Variants in CFAP54 observed in about 807,000 individuals in gnomAD.
The protein encoded by CFAP54 is cilia and flagella associated protein 54, also known as cilia- and flagella-associated protein 54.
In CFAP54, 290 loss-of-function variants were observed where a neutral mutation model predicts 370.4. The observed-to-expected ratio is 0.78, with a 90% confidence interval of 0.71 to 0.86. The LOEUF (loss-of-function observed/expected upper bound fraction) is 0.86, where lower values mean the gene tolerates loss of function less well. Among genes scored for constraint, CFAP54 ranks in the 40% least tolerant of loss-of-function variants. The pLI is 0.00. For synonymous variants in CFAP54, 1,206 were observed against 1,236.5 expected, an observed-to-expected ratio of 0.98 and a Z score of 0.52; for missense variants, 3,399 against 3,528.7, an observed-to-expected ratio of 0.96 and a Z score of 0.93.
chr12:96,582,439 TATA>T (rs1423903725), intron 22 of CFAP54, among the ~76,000 whole-genome samples: 1 of 152,190 alleles, frequency 6.6e-6, no homozygotes, highest in Non-Finnish European at 1.5e-5. Context: ...TGATTAGTAA[TATA>T]AGATAAGATC....
intron 50 of CFAP54, among the ~76,000 whole-genome samples, chr12:96,730,354 G>A (rs982943177): frequency 2.0e-5 from 3 of 152,138 alleles, no homozygotes; most frequent in Admixed American, 1.3e-4. Context: ...AGATAGCACC[G>A]AGTCAAATAT....
intron 42 of CFAP54, 89 bp from the exon 43 acceptor site, chr12:96,688,827 G>T: frequency 3.3e-6 from 2 of 610,346 alleles, no homozygotes; most frequent in Non-Finnish European, 5.6e-6. Flanking sequence ...TATACTTTTT[G>T]TGTTCTAGAT....
chr12:96,753,331 G>C (rs965805448), intron 55 of CFAP54, among the ~76,000 whole-genome samples: 1 of 152,214 alleles, frequency 6.6e-6, no homozygotes, highest in Non-Finnish European at 1.5e-5. Flanking sequence ...CCACTATAAT[G>C]CTTAATAGAA....
intron 60 of CFAP54, among the ~76,000 whole-genome samples, chr12:96,782,351 G>A (rs944592359): frequency 6.6e-6 from 1 of 151,930 alleles, no homozygotes; most frequent in Non-Finnish European, 1.5e-5. Context: ...GAAATAAGAA[G>A]TACAAAGAAT....
At chr12:96,594,260 A>T (rs1956153354) in intron 24 of CFAP54, 31 bp from the exon 25 acceptor site, 1 of 1,476,902 alleles carries the variant, frequency 6.8e-7, no homozygotes, top group Non-Finnish European at 9.0e-7. Context: ...ACCTATGTTC[A>T]ATCTGAGTAA....
chr12:96,718,591 C>T, intron 49 of CFAP54, 69 bp downstream of exon 49: 1 of 908,830 alleles, frequency 1.1e-6, no homozygotes, highest in Non-Finnish European at 1.7e-6. Flanking sequence ...CCTGGATGGG[C>T]CTGCTTTCAG....
chr12:96,644,656 T>C (rs1184514902), intron 33 of CFAP54, among the ~76,000 whole-genome samples: 1 of 152,154 alleles, frequency 6.6e-6, no homozygotes, highest in Admixed American at 6.5e-5. Flanking sequence ...GTAATCATGG[T>C]AGAAGGGGAA....
chr12:96,693,404 G>A (rs1042857451), intron 44 of CFAP54, among the ~76,000 whole-genome samples: 1 of 152,124 alleles, frequency 6.6e-6, no homozygotes, highest in Non-Finnish European at 1.5e-5. Context: ...TATTTATGTT[G>A]AGTTAATCAT....
chr12:96,723,949 A>G (rs913936723), intron 50 of CFAP54, among the ~76,000 whole-genome samples: 5 of 150,758 alleles, frequency 3.3e-5, no homozygotes, highest in Non-Finnish European at 7.4e-5. Context: ...TGTCCTTGCA[A>G]TAGTTTACTG....
At chr12:96,756,163 G>T (rs924294459) in intron 56 of CFAP54, among the ~76,000 whole-genome samples, 2 of 152,174 alleles carry the variant, frequency 1.3e-5, no homozygotes, top group Non-Finnish European at 2.9e-5. Context: ...GGAGGGAGAA[G>T]CACAAAGTAA....
At chr12:96,563,501 T>C (rs1403960667) in intron 17 of CFAP54, among the ~76,000 whole-genome samples, 1 of 152,340 alleles carries the variant, frequency 6.6e-6, no homozygotes, top group South Asian at 2.1e-4. Context: ...TCTCCAACGA[T>C]TATAATCAGG....
Position 96,658,245 on chromosome 12 carries a change from G to A in CFAP54, c.5359G>A (p.Val1787Met). ...RYTEQVTPLL[V>M]YAQRQLLLRI... ...TACAGAACAAGTGACACCACTTCTG[G>A]TGTATGCACAGCGCCAGCTTCTGCT... The change falls in exon 38 of 68, where the codon GTG becomes ATG. Residue 1787 changes from valine (V) to methionine (M), a missense_variant. Val to Met is a conservative substitution (Grantham distance 21, BLOSUM62 1). Around this residue, in one of 3 missense-constraint regions of CFAP54, gnomAD observed 2,796 missense variants for 2,869.7 expected, o/e 0.97. Transcript: ENST00000524981. The A allele has an allele frequency of 6.2e-7, 1 of 1,614,028 alleles. No individual in the cohort carries two copies. Among genetic ancestry groups the A allele is most frequent in the Non-Finnish European group, 8.5e-7 (1 of 1,179,960 alleles).
intron 63 of CFAP54, 136 bp downstream of exon 63, chr12:96,792,635 A>G (rs1958714833): frequency 3.6e-6 from 2 of 556,500 alleles, no homozygotes; most frequent in Non-Finnish European, 2.8e-6. Flanking sequence ...TACATTGTCT[A>G]GTAGAATAAA....
At chr12:96,499,203 C>A (rs753235248) in intron 1 of CFAP54, among the ~76,000 whole-genome samples, 1 of 152,074 alleles carries the variant, frequency 6.6e-6, no homozygotes, top group Non-Finnish European at 1.5e-5. Context: ...GTCTCAAACT[C>A]CTGACCTCAA....
chr12:96,730,796 A>G (rs1957911877), intron 50 of CFAP54, among the ~76,000 whole-genome samples: 1 of 152,222 alleles, frequency 6.6e-6, no homozygotes, highest in African/African-American at 2.4e-5. Context: ...CTTTGATTGG[A>G]AACATATAAT....
chr12:96,814,653 G>T (rs1368336601), intron 64 of CFAP54, among the ~76,000 whole-genome samples: 1 of 152,146 alleles, frequency 6.6e-6, no homozygotes, highest in African/African-American at 2.4e-5. Context: ...CTGACACCTA[G>T]GTTTTAAGCC....
At chr12:96,813,716 C>G (rs944493168) in intron 64 of CFAP54, among the ~76,000 whole-genome samples, 1 of 152,306 alleles carries the variant, frequency 6.6e-6, no homozygotes, top group African/African-American at 2.4e-5. Context: ...TTTCTACTTA[C>G]AACTGGGTCC....
At chr12:96,647,844 G>GT in intron 33 of CFAP54, 31 bp from the exon 34 acceptor site, 2 of 1,474,046 alleles carry the variant, frequency 1.4e-6, no homozygotes, top group South Asian at 2.7e-5. Flanking sequence ...TGCTTATATT[G>GT]TTTTTTAATA....
rs182053903 is a variant in CFAP54, at chr12:96,627,767, A to C, written c.4103+828A>C. On this transcript the variant is annotated intron_variant, in intron 30 of 67. Coordinates refer to ENST00000524981, the MANE Select transcript of CFAP54 (RefSeq NM_001306084.2). ...CAGAATTGTTCAGAATTAGAGTTCT[A>C]TTAAATTTTTTAAAAAATAGCTAAA... 3.1e-3 allele frequency among the ~76,000 whole-genome samples: 467 copies of C among 152,338 alleles called. 3 individuals are homozygous for C. Among genetic ancestry groups the C allele is most frequent in the African/African-American group, 0.01 (427 of 41,584 alleles).
Sources: allele counts gnomAD v4.1 joint callset (sites outside exome capture counted in the v4.1 genomes callset), GRCh38; gene constraint gnomAD v4.1.1; regional missense constraint gnomAD v4.1.1; transcripts MANE v1.5; gene names NCBI Gene and HGNC (gene_info 2026-07-23, HGNC 2026-07-21).